Variants in PSG2 observed in about 807,000 individuals in gnomAD.
PSG2 encodes the protein pregnancy-specific beta-1-glycoprotein 2.
PSG2 carries 49 observed loss-of-function variants against 36.2 expected under a neutral mutation model. That is an observed-to-expected ratio of 1.35 (90% CI 1.08 to 1.72). The LOEUF is 1.72. Among genes scored for constraint, PSG2 ranks in the 40% most tolerant of loss-of-function variants. The probability of loss-of-function intolerance (pLI) is 0.00; values close to 1 mark genes in which losing one functional copy is unlikely to be tolerated. For synonymous variants in PSG2, 261 were observed against 155.6 expected (o/e 1.68, Z -5.04); for missense variants, 605 against 407.2 (o/e 1.49, Z -4.18).
chr19:43,069,099 A>G lies in PSG2; in HGVS notation c.965-2499T>C, dbSNP rs572980501. On this transcript the variant is annotated intron_variant, in intron 4 of 5. Coordinates refer to ENST00000406487, the MANE Select transcript of PSG2 (RefSeq NM_031246.4). ...AGTCTGAAGGGAAATTAGGAAAAAA[A>G]TTTCAATTTATATTAACATCAAAAA... Among the ~76,000 whole-genome samples, 7 of 151,878 alleles carry G rather than the reference A, an allele frequency of 4.6e-5. No individual in the cohort carries two copies. The South Asian group carries it at 1.5e-3, about 32-fold the overall frequency.
At chr19:43,079,572 A>T (rs1367727632) in intron 2 of PSG2, among the ~76,000 whole-genome samples, 3 of 151,630 alleles carry the variant, frequency 2.0e-5, no homozygotes, top group Admixed American at 6.6e-5. Flanking sequence ...GTGGGGAAAG[A>T]AAACAAGGTC....
chr19:43,081,286 T>C (rs1304917926), intron 1 of PSG2, 40 bp from the exon 2 acceptor site: 11 of 1,583,430 alleles, frequency 6.9e-6, no homozygotes, highest in Non-Finnish European at 8.6e-6. Context: ...TTGAGACCTA[T>C]GTATTGGGGT....
chr19:43,069,830 G>A (rs773628316), intron 4 of PSG2, among the ~76,000 whole-genome samples: 2 of 151,672 alleles, frequency 1.3e-5, no homozygotes, highest in African/African-American at 2.4e-5. Flanking sequence ...AAATAAAACG[G>A]ATAAATCGGA....
chr19:43,078,086 G>A (rs1460085271), intron 2 of PSG2, among the ~76,000 whole-genome samples: 2 of 151,772 alleles, frequency 1.3e-5, no homozygotes, highest in African/African-American at 4.9e-5. Context: ...AGTCATTGCA[G>A]AGATTACAAC....
rs767533721 is a variant in PSG2 at position 43,066,618 on chromosome 19, G to A, written c.965-18C>T. On this transcript the variant is annotated intron_variant, in intron 4 of 5. Transcript: ENST00000406487. ...TGTAGAAGCTGTCATGGAAAGAAAA[G>A]TAAAGAAGGAATGAAGGTGATGTTA... 6.3e-7 allele frequency: 1 copy of A among 1,584,618 alleles called. No individual in the cohort carries two copies. Among genetic ancestry groups the A allele is most frequent in the Non-Finnish European group, 8.7e-7 (1 of 1,154,246 alleles).
chr19:43,067,354 T>A (rs1316359355), intron 4 of PSG2, among the ~76,000 whole-genome samples: 1 of 151,334 alleles, frequency 6.6e-6, no homozygotes, highest in Non-Finnish European at 1.5e-5. Flanking sequence ...AATACTAACA[T>A]ACCAGGCTTG....
intron 1 of PSG2, 140 bp from the exon 2 acceptor site, chr19:43,081,386 CACACACACACACA>C: frequency 8.0e-7 from 1 of 1,245,092 alleles, no homozygotes. Flanking sequence ...CACACACACA[CACACACACACACA>C]AAAGGGGCAT....
At chr19:43,077,141 T>G (rs1303811358) in intron 2 of PSG2, among the ~76,000 whole-genome samples, 4 of 151,710 alleles carry the variant, frequency 2.6e-5, no homozygotes, top group Non-Finnish European at 4.4e-5. Context: ...TCCAAACATC[T>G]AAGATCAATT....
chr19:43,079,891 A>G (rs1375094335), intron 2 of PSG2, among the ~76,000 whole-genome samples: 8 of 151,646 alleles, frequency 5.3e-5, no homozygotes, highest in Admixed American at 5.2e-4. Flanking sequence ...GGCAGACCTC[A>G]TGTGACCCTG....
intron 2 of PSG2, among the ~76,000 whole-genome samples, chr19:43,077,653 C>G (rs1192249158): frequency 1.3e-5 from 2 of 151,726 alleles, no homozygotes; most frequent in Non-Finnish European, 2.9e-5. Context: ...CCCACCTGGT[C>G]ACCTCCAACT....
At chr19:43,072,483 C>T (rs140406012) in intron 3 of PSG2, 176,136 of 1,610,316 alleles carry the variant, frequency 0.11, 11,745 homozygotes, top group Admixed American at 0.18. Context: ...GGTCGCTTTA[C>T]CCTGGGACTG....
chr19:43,069,871 G>A (rs941009888), intron 4 of PSG2, among the ~76,000 whole-genome samples: 7 of 151,518 alleles, frequency 4.6e-5, no homozygotes, highest in East Asian at 1.9e-4. Flanking sequence ...TTTACATATC[G>A]AAGAACATTA....
At chr19:43,080,170 T>C (rs1272715213) in intron 2 of PSG2, among the ~76,000 whole-genome samples, 4 of 151,700 alleles carry the variant, frequency 2.6e-5, no homozygotes, top group South Asian at 2.1e-4. Context: ...ACATCTTCTG[T>C]CTTCTGTTTC....
chr19:43,077,758 C>G (rs1442928024), intron 2 of PSG2, among the ~76,000 whole-genome samples: 1 of 151,772 alleles, frequency 6.6e-6, no homozygotes, highest in African/African-American at 2.4e-5. Flanking sequence ...ACTGTCAAAA[C>G]AAAATATTAA....
At chr19:43,073,732 G>C (rs145977882) in intron 3 of PSG2, among the ~76,000 whole-genome samples, 1 of 151,568 alleles carries the variant, frequency 6.6e-6, no homozygotes, top group South Asian at 2.1e-4. Context: ...GCAAGGTAGG[G>C]AGTTTCTAGA....
intron 3 of PSG2, chr19:43,072,380 T>C (rs7249104): frequency 0.12 from 185,835 of 1,612,068 alleles, 17,873 homozygotes; most frequent in African/African-American, 0.46. Flanking sequence ...TGGGTCACTG[T>C]GGATGCCACC....
intron 3 of PSG2, among the ~76,000 whole-genome samples, 178 bp from the exon 4 acceptor site, chr19:43,072,132 A>C (rs186216261): frequency 6.6e-6 from 1 of 151,476 alleles, no homozygotes; most frequent in African/African-American, 2.4e-5. Flanking sequence ...CCACCACAAG[A>C]TGTGGGCCCC....
At chr19:43,072,489 G>A in intron 3 of PSG2, 5 of 1,611,280 alleles carry the variant, frequency 3.1e-6, no homozygotes, top group Admixed American at 1.7e-5. Context: ...TTTACCCTGG[G>A]ACTGACCGGG....
At chr19:43,072,773 G>A in intron 3 of PSG2, 1 of 1,462,274 alleles carries the variant, frequency 6.8e-7, no homozygotes, top group Non-Finnish European at 9.2e-7. Flanking sequence ...TCACAAGACA[G>A]ATGCATGATG....
Sources: allele counts gnomAD v4.1 joint callset (sites outside exome capture counted in the v4.1 genomes callset), GRCh38; gene constraint gnomAD v4.1.1; transcripts MANE v1.5; gene names NCBI Gene and HGNC (gene_info 2026-07-23, HGNC 2026-07-21).